PARM1: variants seen among roughly 807,000 people sequenced by gnomAD.
PARM1 encodes prostate androgen-regulated mucin-like protein 1.
Under a neutral mutation model 24.6 loss-of-function variants are expected in PARM1, and 14 were observed. That is an observed-to-expected ratio of 0.57 (90% CI 0.38 to 0.89). PARM1 has a LOEUF of 0.89. Among genes scored for constraint, PARM1 ranks in the 40% least tolerant of loss-of-function variants. PARM1 has a pLI of 0.00. For missense variants in PARM1, 362 were observed against 380.4 expected (o/e 0.95, Z 0.40); for synonymous variants, 179 against 156.6 (o/e 1.14, Z -1.07).
intron 1 of PARM1, among the ~76,000 whole-genome samples, chr4:74,945,549 A>G (rs1000324736): frequency 2.0e-5 from 3 of 152,228 alleles, no homozygotes; most frequent in Non-Finnish European, 4.4e-5. Context: ...ACTTAAACAA[A>G]TATTCCATTT....
At position 75,047,535 on chromosome 4, in the gene PARM1, C is replaced by T. The variant is rs1053364969; in HGVS notation, c.*1288C>T. The T allele has an allele frequency of 6.6e-6, 1 of 152,212 alleles. No homozygotes were observed. Among genetic ancestry groups the T allele is most frequent in the Non-Finnish European group, 1.5e-5 (1 of 68,040 alleles). 9.4% of individuals were successfully genotyped at this position (152,212 alleles called of 1,614,324 possible). A position where few individuals can be genotyped will look rare whatever the true frequency, so the allele number is the denominator to read the frequency against. On this transcript the variant is annotated 3_prime_UTR_variant, in exon 4 of 4. Transcript: ENST00000307428. ...AGGAGGTGATTTTGCCCCCTGACTC[C>T]ACCCCAGGGACATTCAAAAATGTCT...
At chr4:75,046,096 G>T (rs868245291) in intron 3 of PARM1, 67 bp from the exon 4 acceptor site, 5 of 960,608 alleles carry the variant, frequency 5.2e-6, no homozygotes, top group Admixed American at 3.6e-5. Flanking sequence ...TCAGTGCAGG[G>T]CATTACGCTG....
At chr4:74,938,170 C>A (rs1246849131) in intron 1 of PARM1, among the ~76,000 whole-genome samples, 1 of 152,154 alleles carries the variant, frequency 6.6e-6, no homozygotes, top group Non-Finnish European at 1.5e-5. Flanking sequence ...TGACCCCAGT[C>A]AAATTGTGCT....
chr4:74,962,850 C>G (rs1231855648), intron 1 of PARM1, among the ~76,000 whole-genome samples: 1 of 152,118 alleles, frequency 6.6e-6, no homozygotes, highest in African/African-American at 2.4e-5. Flanking sequence ...GATGGTTGCT[C>G]AGAAATGTAA....
intron 1 of PARM1, among the ~76,000 whole-genome samples, chr4:74,949,201 G>A (rs962395190): frequency 6.6e-6 from 1 of 152,186 alleles, no homozygotes; most frequent in African/African-American, 2.4e-5. Context: ...TCCAGTACTA[G>A]CCACAGGGGA....
chr4:74,945,239 C>T (rs995110477), intron 1 of PARM1, among the ~76,000 whole-genome samples: 5 of 152,264 alleles, frequency 3.3e-5, no homozygotes, highest in African/African-American at 4.8e-5. Context: ...GATGAGTGAA[C>T]GTTGGGTCAC....
intron 1 of PARM1, among the ~76,000 whole-genome samples, chr4:74,950,668 GA>G (rs1721504305): frequency 6.6e-6 from 1 of 152,092 alleles, no homozygotes; most frequent in Admixed American, 6.6e-5. Context: ...CCTCCCCACA[GA>G]TAAAATAAGT....
At chr4:74,988,028 C>G (rs1057276542) in intron 1 of PARM1, among the ~76,000 whole-genome samples, 18 of 152,118 alleles carry the variant, frequency 1.2e-4, no homozygotes, top group African/African-American at 3.9e-4. Flanking sequence ...GACTCTTTTC[C>G]CTTGAGGACT....
In PARM1 at chr4:75,002,680, G is replaced by A. The variant is rs180897790; in HGVS notation, c.44-9745G>A. Among the ~76,000 whole-genome samples, 539 of 152,084 alleles carry A rather than the reference G, an allele frequency of 3.5e-3. 6 individuals carry two copies. The highest frequency in any genetic ancestry group is 0.011 in the African/African-American group (474 of 41,484). On this transcript the variant is annotated intron_variant, in intron 1 of 3. Transcript: ENST00000307428. ...TGCCTGAGTTCTCTCCCTCCCTTCC[G>A]CTTGGAAATGCCTGAAAATTCTGCC...
intron 2 of PARM1, among the ~76,000 whole-genome samples, chr4:75,018,664 G>A (rs1428874659): frequency 6.6e-6 from 1 of 152,140 alleles, no homozygotes; most frequent in Non-Finnish European, 1.5e-5. Flanking sequence ...GGTCGTATGA[G>A]GCATACTGAG....
intron 1 of PARM1, among the ~76,000 whole-genome samples, chr4:74,979,113 G>A (rs1303091850): frequency 1.3e-5 from 2 of 151,060 alleles, no homozygotes; most frequent in African/African-American, 4.9e-5. Context: ...AGATCAGAGA[G>A]GAACAGAAGG....
rs981510631 is a variant in PARM1 at position 75,041,042 on chromosome 4, A to C, written c.849-5121A>C. ...ATTTGTTTTCTCCATGGACTTAGTA[A>C]CATTCACCATGTTATTATTTGTATA... On this transcript the variant is annotated intron_variant, in intron 3 of 3. Transcript: ENST00000307428. 2.0e-5 allele frequency among the ~76,000 whole-genome samples: 3 copies of C among 152,250 alleles called. No individual in the cohort carries two copies. In the East Asian group the frequency reaches 5.8e-4, roughly 29 times the overall value.
intron 1 of PARM1, chr4:74,956,047 T>A (rs1015408441): frequency 6.6e-6 from 1 of 152,272 alleles, no homozygotes; most frequent in African/African-American, 2.4e-5. Context: ...CTTCAGTTTC[T>A]GCTCTCTAAA....
intron 1 of PARM1, among the ~76,000 whole-genome samples, chr4:74,960,244 G>A (rs1181482343): frequency 3.9e-5 from 6 of 152,170 alleles, no homozygotes; most frequent in Admixed American, 3.9e-4. Flanking sequence ...CTCCCTTTGG[G>A]TAAAGCAAGT....
intron 1 of PARM1, chr4:74,993,774 G>A (rs1366241612): frequency 6.6e-6 from 1 of 152,090 alleles, no homozygotes; most frequent in East Asian, 1.9e-4. Flanking sequence ...ATGAAGAGTG[G>A]ATTTGCAAAG....
intron 1 of PARM1, among the ~76,000 whole-genome samples, chr4:74,960,896 C>T: frequency 6.6e-6 from 1 of 150,778 alleles, no homozygotes; most frequent in Non-Finnish European, 1.5e-5. Flanking sequence ...GCCCCTGTAG[C>T]TGGCAGGCTG....
At chr4:74,945,243 G>C (rs1177278563) in intron 1 of PARM1, among the ~76,000 whole-genome samples, 1 of 152,140 alleles carries the variant, frequency 6.6e-6, no homozygotes, top group African/African-American at 2.4e-5. Context: ...AGTGAACGTT[G>C]GGTCACTTTT....
In PARM1 at chr4:75,026,934, T is replaced by A. The variant is rs567828983; in HGVS notation, c.770-6949T>A. 7.5e-4 allele frequency among the ~76,000 whole-genome samples: 114 copies of A among 152,322 alleles called. 5 individuals are homozygous for A. The South Asian group carries it at 0.023, about 30-fold the overall frequency. On this transcript the variant is annotated intron_variant, in intron 2 of 3. Coordinates refer to ENST00000307428, the MANE Select transcript of PARM1 (RefSeq NM_015393.4). Reference sequence around the variant, plus strand: ...AGAACACCAGTCAAGGTGCTCTGTCTTCAAGCCCAGTGCAAACCCTTCAAG... The same window carrying A: ...AGAACACCAGTCAAGGTGCTCTGTCATCAAGCCCAGTGCAAACCCTTCAAG...
intron 1 of PARM1, chr4:74,956,147 A>G (rs1391985634): frequency 2.0e-5 from 3 of 152,242 alleles, no homozygotes; most frequent in Non-Finnish European, 1.5e-5. Context: ...TGTCCCCATT[A>G]TAGAGATGAC....
Sources: gnomAD v4.1 joint callset for allele counts (sites outside exome capture counted in the v4.1 genomes callset) on GRCh38, gnomAD v4.1.1 for gene constraint, MANE v1.5 for transcripts, NCBI Gene and HGNC (gene_info 2026-07-23, HGNC 2026-07-21) for gene names.